RAB27A: variants seen among roughly 807,000 people sequenced by gnomAD.
The protein encoded by RAB27A is RAB27A, member RAS oncogene family.
Under a neutral mutation model 20.8 loss-of-function variants are expected in RAB27A, and 17 were observed. That is an observed-to-expected ratio of 0.82 (90% CI 0.56 to 1.23). The LOEUF is 1.23. RAB27A is among the 50% of genes most tolerant of loss of function. RAB27A has a pLI of 0.00. For synonymous variants in RAB27A, 85 were observed against 92.8 expected (o/e 0.92, Z 0.48); for missense variants, 277 against 266.7 (o/e 1.04, Z -0.27).
At chr15:55,291,510 CAAAAAAAAAAAAAAAAAAAAAA>C (rs530643102), upstream of RAB27A, among the ~76,000 whole-genome samples, 18 of 69,028 alleles carry the variant, frequency 2.6e-4, 1 homozygote, top group Admixed American at 2.7e-3. Context: ...GACTCTGTTT[CAAAAAAAAAAAAAAAAAAAAAA>C]AAAAAAAAAA....
intron 1 of RAB27A, among the ~76,000 whole-genome samples, chr15:55,315,733 T>C (rs973979834): frequency 1.3e-5 from 2 of 152,000 alleles, no homozygotes. Context: ...AGAATGGTGA[T>C]CATTAAAAAG....
chr15:55,262,385 C>G (rs1451591043), intron 2 of RAB27A, among the ~76,000 whole-genome samples: 1 of 151,236 alleles, frequency 6.6e-6, no homozygotes, highest in African/African-American at 2.4e-5. Context: ...ACTCAAAATA[C>G]AAAAAAATTA....
chr15:55,205,962 G>A (rs150259569), intron 6 of RAB27A, among the ~76,000 whole-genome samples: 52 of 152,106 alleles, frequency 3.4e-4, no homozygotes, highest in Admixed American at 1.2e-3. Flanking sequence ...ACACCTCCCA[G>A]CACTCTGGGA....
chr15:55,243,818 T>A (rs1032397279), intron 2 of RAB27A, among the ~76,000 whole-genome samples: 1 of 152,164 alleles, frequency 6.6e-6, no homozygotes, highest in Non-Finnish European at 1.5e-5. Flanking sequence ...TTAGACCTTA[T>A]AGTTTTAGCC....
chr15:55,313,744 C>T (rs2055030766), intron 2 of RAB27A, among the ~76,000 whole-genome samples: 1 of 151,942 alleles, frequency 6.6e-6, no homozygotes, highest in African/African-American at 2.4e-5. Flanking sequence ...GAAGCCGAGG[C>T]GGGCGGATCA....
intron 1 of RAB27A, among the ~76,000 whole-genome samples, chr15:55,283,018 CTTAG>C (rs982113181): frequency 9.2e-5 from 14 of 152,248 alleles, no homozygotes; most frequent in African/African-American, 2.6e-4. Context: ...GGTAGTTAGG[CTTAG>C]TTAGTTTTAC....
At chr15:55,310,656 T>C (rs1480805162) in intron 2 of RAB27A, among the ~76,000 whole-genome samples, 1 of 152,174 alleles carries the variant, frequency 6.6e-6, no homozygotes, top group Non-Finnish European at 1.5e-5. Flanking sequence ...ATGGCCTTTT[T>C]TTAAATCCCA....
upstream of RAB27A, among the ~76,000 whole-genome samples, chr15:55,291,279 G>A (rs1278020402): frequency 6.6e-6 from 1 of 152,134 alleles, no homozygotes; most frequent in African/African-American, 2.4e-5. Flanking sequence ...GGGAGCCCGA[G>A]GCCGGCAGAT....
exon 1 of RAB27A, chr15:55,319,081 G>A (rs1269870110): frequency 3.8e-6 from 3 of 784,650 alleles, no homozygotes; most frequent in East Asian, 5.9e-5. Flanking sequence ...CGGAAACGGC[G>A]AAAGGAAACC....
At position 55,209,966 on chromosome 15, in the gene RAB27A, GTA is replaced by G. The variant is rs1157694886; in HGVS notation, c.468-4263_468-4262del. Among the ~76,000 whole-genome samples the G allele has an allele frequency of 5.2e-5, 7 of 133,466 alleles. No individual in the cohort carries two copies. In the East Asian group the frequency reaches 6.6e-4, roughly 13 times the overall value. 87.6% of individuals were successfully genotyped at this position (133,466 alleles called of 152,430 possible). A position where few individuals can be genotyped will look rare whatever the true frequency, so the allele number is the denominator to read the frequency against. On this transcript the variant is annotated intron_variant, in intron 6 of 6. Transcript: ENST00000336787. The stretch of plus-strand genomic sequence containing the variant: ...TGTACACACATACGCATATATGTGC[GTA>G]TGTGTGTACATGTACATATATACGC...
chr15:55,205,420 C>T lies in RAB27A; in HGVS notation c.*87G>A. 7.4e-7 allele frequency: 1 copy of T among 1,350,468 alleles called. No individual in the cohort carries two copies. Among genetic ancestry groups the T allele is most frequent in the South Asian group, 1.2e-5 (1 of 85,392 alleles). The allele number at this position is 1,350,468 out of a possible 1,614,324, so 83.7% of individuals were successfully genotyped here. The stretch of plus-strand genomic sequence containing the variant: ...TGAGAAGCAATTTGTACACAATGCC[C>T]ATTAATCTCTCACTGTGCCATGTAT... On this transcript the variant is annotated 3_prime_UTR_variant, in exon 7 of 7. Coordinates refer to ENST00000336787, the MANE Select transcript of RAB27A (RefSeq NM_183235.3).
chr15:55,241,104 C>T (rs1246613765), intron 2 of RAB27A, among the ~76,000 whole-genome samples: 1 of 152,160 alleles, frequency 6.6e-6, no homozygotes, highest in Non-Finnish European at 1.5e-5. Context: ...GGTCAATATG[C>T]AGGCAATGTT....
At chr15:55,289,395 G>A (rs1365589125) in intron 1 of RAB27A, 3 of 152,194 alleles carry the variant, frequency 2.0e-5, no homozygotes, top group East Asian at 1.9e-4. Flanking sequence ...GGGAGGTCGG[G>A]GACTTTCCTC....
At chr15:55,262,795 C>T (rs1897323306) in intron 2 of RAB27A, among the ~76,000 whole-genome samples, 2 of 151,938 alleles carry the variant, frequency 1.3e-5, no homozygotes, top group Non-Finnish European at 2.9e-5. Context: ...GCTCAAGCCA[C>T]CCACCTGCCT....
chr15:55,307,864 C>T (rs952868363), intron 2 of RAB27A, among the ~76,000 whole-genome samples: 2 of 151,450 alleles, frequency 1.3e-5, no homozygotes, highest in Non-Finnish European at 2.9e-5. Flanking sequence ...TTTGAAAAGG[C>T]CTGGTCCAGT....
intron 1 of RAB27A, among the ~76,000 whole-genome samples, chr15:55,316,992 C>CCCTTCCCAATTATTAT (rs1434816418): frequency 5.9e-5 from 9 of 152,136 alleles, no homozygotes; most frequent in Non-Finnish European, 1.3e-4. Flanking sequence ...ATTGCAAACA[C>CCCTTCCCAATTATTAT]CCTTCCCAAT....
chr15:55,218,740 TTC>T (rs1895427805), intron 6 of RAB27A, among the ~76,000 whole-genome samples: 1 of 145,376 alleles, frequency 6.9e-6, no homozygotes, highest in African/African-American at 2.7e-5. Context: ...TTAGTTCACA[TTC>T]TTTTTTTTTT....
intron 1 of RAB27A, among the ~76,000 whole-genome samples, chr15:55,272,125 G>T (rs1477192541): frequency 6.6e-6 from 1 of 152,116 alleles, no homozygotes; most frequent in Non-Finnish European, 1.5e-5. Flanking sequence ...CAACCATCAG[G>T]ATATATAGGA....
rs1325855622 is a variant in RAB27A at position 55,244,641 on chromosome 15, T to C, written c.-22-9685A>G. On this transcript the variant is annotated intron_variant, in intron 2 of 6. Coordinates refer to ENST00000336787, the MANE Select transcript of RAB27A (RefSeq NM_183235.3). ...TTTTGAATTTTTTAGAATGGTTCAATATTTGAGTGTTCCTATGTAGCTTAT... is the reference window on the plus strand; with the variant it reads ...TTTTGAATTTTTTAGAATGGTTCAACATTTGAGTGTTCCTATGTAGCTTAT... 2.0e-5 allele frequency among the ~76,000 whole-genome samples: 3 copies of C among 152,340 alleles called. No homozygotes were observed. In the East Asian group the frequency reaches 5.8e-4, roughly 29 times the overall value.
Sources: allele counts gnomAD v4.1 joint callset (sites outside exome capture counted in the v4.1 genomes callset), GRCh38; gene constraint gnomAD v4.1.1; transcripts MANE v1.5; gene names NCBI Gene and HGNC (gene_info 2026-07-23, HGNC 2026-07-21).